Variants in ZEB2 observed in about 807,000 individuals in gnomAD.
ZEB2 encodes zinc finger E-box-binding homeobox 2.
A neutral mutation model predicts 99.9 loss-of-function variants in ZEB2; 6 were observed. The observed-to-expected ratio is 0.06, with a 90% CI of 0.03 to 0.12. The LOEUF (loss-of-function observed/expected upper bound fraction) is 0.12, where lower values mean the gene tolerates loss of function less well. Ranked by LOEUF, ZEB2 falls within the 10% of genes least tolerant of loss-of-function variation. The pLI is 1.00. For synonymous variants in ZEB2, 517 were observed against 542.5 expected, an observed-to-expected ratio of 0.95 and a Z score of 0.65; for missense variants, 969 against 1,502.8, an observed-to-expected ratio of 0.64 and a Z score of 5.87.
intron 2 of ZEB2, among the ~76,000 whole-genome samples, chr2:144,478,987 C>T (rs770605616): frequency 6.6e-6 from 1 of 152,170 alleles, no homozygotes; most frequent in Non-Finnish European, 1.5e-5. Context: ...TTTATCATTA[C>T]CTTTGAATAA....
chr2:144,498,874 T>C (rs554549197), intron 2 of ZEB2, among the ~76,000 whole-genome samples: 3 of 152,270 alleles, frequency 2.0e-5, no homozygotes, highest in Non-Finnish European at 4.4e-5. Context: ...CACTGCACTC[T>C]AGTCTGAACC....
At chr2:144,518,952 A>T (rs1705218414) in intron 1 of ZEB2, 1 of 152,178 alleles carries the variant, frequency 6.6e-6, no homozygotes, top group Non-Finnish European at 1.5e-5. Context: ...GTTACTCCTA[A>T]GTCTGGAGTT....
intron 2 of ZEB2, among the ~76,000 whole-genome samples, chr2:144,505,799 G>A (rs1038633561): frequency 6.6e-6 from 1 of 152,170 alleles, no homozygotes; most frequent in African/African-American, 2.4e-5. Context: ...TGGTTTCACA[G>A]GGCAAGGCTA....
chr2:144,499,482 C>A (rs1427811438), intron 2 of ZEB2, among the ~76,000 whole-genome samples: 8 of 152,112 alleles, frequency 5.3e-5, no homozygotes, highest in Non-Finnish European at 7.4e-5. Context: ...TAGAAAGTTG[C>A]ATCTTTGTTG....
intron 2 of ZEB2, among the ~76,000 whole-genome samples, chr2:144,510,350 C>T (rs2149930004): frequency 6.6e-6 from 1 of 152,186 alleles, no homozygotes; most frequent in East Asian, 1.9e-4. Flanking sequence ...CTCGCCCGTC[C>T]CTCCCACCCC....
At chr2:144,406,530 C>T (rs1703389192) in intron 4 of ZEB2, among the ~76,000 whole-genome samples, 1 of 151,628 alleles carries the variant, frequency 6.6e-6, no homozygotes, top group Non-Finnish European at 1.5e-5. Context: ...AGAAGAGCAG[C>T]ATGTGCAATG....
In ZEB2 at chr2:144,465,838, G is replaced by T. The variant is rs141134993; in HGVS notation, c.74-35812C>A. On this transcript the variant is annotated intron_variant, in intron 2 of 9. Coordinates refer to ENST00000627532, the MANE Select transcript of ZEB2 (RefSeq NM_014795.4). Reference sequence around the variant, plus strand: ...AATTAGTCAAAGTTTATGTCCTGAGGTTGTACCTACAGGAAGCCAGATGTG... The same window carrying T: ...AATTAGTCAAAGTTTATGTCCTGAGTTTGTACCTACAGGAAGCCAGATGTG... Among the ~76,000 whole-genome samples the T allele has an allele frequency of 2.1e-3, 321 of 152,278 alleles. 1 individual carries two copies. The highest frequency in any genetic ancestry group is 7.4e-3 in the African/African-American group (307 of 41,554).
rs1463561513 is a variant in ZEB2 at position 144,389,105 on chromosome 2, T to C, written c.*346A>G. 4 of 540,090 alleles carry C rather than the reference T, an allele frequency of 7.4e-6. No individual in the cohort carries two copies. Among genetic ancestry groups the C allele is most frequent in the African/African-American group, 3.8e-5 (2 of 52,242 alleles). The allele number at this position is 540,090 out of a possible 1,614,324, so 33.5% of individuals were successfully genotyped here. ...CTTTTTAAAATGTATTAATATAAAT[T>C]AGACATAGTTTTTTAAAGTTTGTAG... On this transcript the variant is annotated 3_prime_UTR_variant, in exon 10 of 10. Transcript: ENST00000627532. This position sits in a 1 kb window ranked among gnomAD's most constrained non-coding sequence, Gnocchi z 6.8.
intron 9 of ZEB2, 90 bp downstream of exon 9, chr2:144,396,322 C>T: frequency 6.7e-7 from 1 of 1,502,218 alleles, no homozygotes; most frequent in South Asian, 1.1e-5. Flanking sequence ...GCATATGTTA[C>T]ATCTTATGTT....
chr2:144,396,591 C>T lies in ZEB2; in HGVS notation c.2888G>A (p.Gly963Glu). 1 of 1,613,304 alleles carries T rather than the reference C, an allele frequency of 6.2e-7. No individual in the cohort carries two copies. Among genetic ancestry groups the T allele is most frequent in the Non-Finnish European group, 8.5e-7 (1 of 1,179,898 alleles). The change falls in exon 9 of 10, where the codon GGA (glycine) becomes GAA (glutamate). Residue 963 changes from glycine (G) to glutamate (E), a missense_variant and splice_region_variant. Around this residue, in one of 8 missense-constraint regions of ZEB2, gnomAD observed 346 missense variants for 460.0 expected, o/e 0.75. Transcript: ENST00000627532. ...GTCTTGTGCTCCATCAAGCAATTCT[C>T]CCTGCGATAGAATCACACAGTTCAA... ...RKYQRKQGFQ[G>E]ELLDGAQDYM...
chr2:144,473,621 G>A (rs1442405792), intron 2 of ZEB2, among the ~76,000 whole-genome samples: 2 of 152,112 alleles, frequency 1.3e-5, no homozygotes, highest in South Asian at 2.1e-4. Context: ...CTGATGAGGC[G>A]GCATGGATAA....
chr2:144,418,688 CAAAA>C (rs1244458200), intron 4 of ZEB2, among the ~76,000 whole-genome samples: 2 of 140,492 alleles, frequency 1.4e-5, no homozygotes, highest in East Asian at 2.1e-4. Flanking sequence ...GACTCCATCT[CAAAA>C]AAAAACAAAC....
chr2:144,421,754 C>T (rs1350594082), intron 4 of ZEB2, among the ~76,000 whole-genome samples: 1 of 151,582 alleles, frequency 6.6e-6, no homozygotes, highest in African/African-American at 2.4e-5. Flanking sequence ...CAAATACACT[C>T]AGTTGTAAAT....
chr2:144,415,961 C>T (rs1703534286), intron 4 of ZEB2, among the ~76,000 whole-genome samples: 1 of 152,232 alleles, frequency 6.6e-6, no homozygotes, highest in Admixed American at 6.5e-5. Context: ...CCATTGCATT[C>T]TGGGAAACTT....
At chr2:144,486,020 C>T (rs1418419110) in intron 2 of ZEB2, among the ~76,000 whole-genome samples, 1 of 152,162 alleles carries the variant, frequency 6.6e-6, no homozygotes, top group African/African-American at 2.4e-5. Context: ...GTGTTATTTG[C>T]CAAAACCTCT....
At chr2:144,485,830 A>G (rs934220449) in intron 2 of ZEB2, among the ~76,000 whole-genome samples, 8 of 151,958 alleles carry the variant, frequency 5.3e-5, no homozygotes, top group Non-Finnish European at 1.2e-4. Flanking sequence ...TGTTGGCCAG[A>G]CTAGTCTCCA....
intron 9 of ZEB2, among the ~76,000 whole-genome samples, chr2:144,392,744 C>A (rs1274890234): frequency 6.6e-6 from 1 of 152,144 alleles, no homozygotes; most frequent in Non-Finnish European, 1.5e-5. Context: ...TGATTCAAAT[C>A]AAGATGTCCT....
chr2:144,429,539 G>C (rs1165994478), intron 3 of ZEB2: 1 of 618,110 alleles, frequency 1.6e-6, no homozygotes, highest in African/African-American at 1.8e-5. Context: ...GTTCATGTTT[G>C]ACTTGCATCA....
intron 2 of ZEB2, among the ~76,000 whole-genome samples, chr2:144,433,255 C>CA (rs1317622644): frequency 6.6e-6 from 1 of 152,106 alleles, no homozygotes; most frequent in Non-Finnish European, 1.5e-5. Flanking sequence ...AATAAATGTC[C>CA]AAAAACAGCA....
Sources: gnomAD v4.1 joint callset for allele counts (sites outside exome capture counted in the v4.1 genomes callset) on GRCh38, gnomAD v4.1.1 for gene constraint, gnomAD v4.1.1 regional missense constraint, Gnocchi (gnomAD v3.1) non-coding constraint, MANE v1.5 for transcripts, NCBI Gene and HGNC (gene_info 2026-07-23, HGNC 2026-07-21) for gene names.